SPOCK3: variants seen among roughly 807,000 people sequenced by gnomAD.
SPOCK3 encodes testican-3.
SPOCK3 carries 30 observed loss-of-function variants against 56.6 expected under a neutral mutation model. That is an observed-to-expected ratio of 0.53 (90% CI 0.40 to 0.72). The LOEUF (loss-of-function observed/expected upper bound fraction) is 0.72, where lower values mean the gene tolerates loss of function less well. SPOCK3 is among the 30% of genes least tolerant of loss of function. SPOCK3 has a pLI of 0.00. For missense variants in SPOCK3, 527 were observed against 530.0 expected (o/e 0.99, Z 0.06); for synonymous variants, 196 against 183.3 (o/e 1.07, Z -0.56).
intron 2 of SPOCK3, among the ~76,000 whole-genome samples, chr4:167,232,641 TAAAAC>T (rs1206589238): frequency 9.2e-5 from 14 of 152,224 alleles, no homozygotes; most frequent in Admixed American, 2.0e-4. Context: ...GGTGTAAACT[TAAAAC>T]AAATATGCAA....
chr4:167,100,363 C>T (rs1284386341), intron 2 of SPOCK3, among the ~76,000 whole-genome samples: 1 of 150,738 alleles, frequency 6.6e-6, no homozygotes, highest in African/African-American at 2.4e-5. Context: ...TCAAAAACAT[C>T]CTGAAGGTAT....
intron 6 of SPOCK3, among the ~76,000 whole-genome samples, chr4:166,832,097 C>G (rs562832222): frequency 1.3e-5 from 2 of 151,984 alleles, no homozygotes; most frequent in African/African-American, 4.8e-5. Flanking sequence ...AATTAGGTAC[C>G]CTTTTTCAAT....
At chr4:166,931,636 G>T (rs1173930924) in intron 4 of SPOCK3, among the ~76,000 whole-genome samples, 1 of 152,206 alleles carries the variant, frequency 6.6e-6, no homozygotes, top group Admixed American at 6.5e-5. Flanking sequence ...ACAATAATTG[G>T]TATCTATTCT....
chr4:166,805,764 CT>C (rs1464114337), intron 6 of SPOCK3, among the ~76,000 whole-genome samples: 4 of 150,342 alleles, frequency 2.7e-5, no homozygotes, highest in African/African-American at 7.5e-5. Flanking sequence ...TGGCAATCAT[CT>C]GACATAATAA....
chr4:166,832,902 A>G (rs1182334940), intron 6 of SPOCK3, among the ~76,000 whole-genome samples: 2 of 152,156 alleles, frequency 1.3e-5, no homozygotes, highest in African/African-American at 4.8e-5. Context: ...GTCCTACTAG[A>G]GTGGGGTGGG....
chr4:166,866,515 T>A (rs760006417), intron 6 of SPOCK3, among the ~76,000 whole-genome samples: 1 of 152,024 alleles, frequency 6.6e-6, no homozygotes, highest in African/African-American at 2.4e-5. Context: ...TGGGAGAAAA[T>A]GTTTTCAATC....
rs1446098428 is a variant in SPOCK3 at position 166,903,607 on chromosome 4, A to G, written c.474+9013T>C. On this transcript the variant is annotated intron_variant, in intron 5 of 10. Transcript: ENST00000357545. ...ATCGAGCCTACTCTACCATTCTTTCACAGGCCATTAATCTTAATATTTCCG... is the reference window on the plus strand; with the variant it reads ...ATCGAGCCTACTCTACCATTCTTTCGCAGGCCATTAATCTTAATATTTCCG... 4.0e-5 allele frequency among the ~76,000 whole-genome samples: 6 copies of G among 151,806 alleles called. No homozygotes were observed. In the East Asian group the frequency reaches 1.2e-3, roughly 29 times the overall value.
chr4:167,062,766 C>A, intron 2 of SPOCK3: 1 of 493,306 alleles, frequency 2.0e-6, no homozygotes. Flanking sequence ...AAATGTCTTT[C>A]AATAAACCTG....
intron 2 of SPOCK3, among the ~76,000 whole-genome samples, chr4:167,205,530 T>TTA (rs1554053358): frequency 6.6e-5 from 4 of 60,204 alleles, no homozygotes; most frequent in African/African-American, 2.3e-4. Context: ...ATATATATTA[T>TTA]TATATAATAT....
At chr4:166,856,672 G>A (rs1730704452) in intron 6 of SPOCK3, among the ~76,000 whole-genome samples, 1 of 152,012 alleles carries the variant, frequency 6.6e-6, no homozygotes, top group Non-Finnish European at 1.5e-5. Flanking sequence ...TACTCAGGGG[G>A]CTGAGGCAGG....
intron 2 of SPOCK3, among the ~76,000 whole-genome samples, chr4:167,206,629 A>G (rs1734362840): frequency 6.6e-6 from 1 of 152,144 alleles, no homozygotes; most frequent in Admixed American, 6.6e-5. Flanking sequence ...GTGAAATATG[A>G]GCTATTCAGT....
Position 166,988,850 on chromosome 4 carries a change from C to G in SPOCK3, c.350+11499G>C, listed in dbSNP as rs115735884. 7.7e-3 allele frequency among the ~76,000 whole-genome samples: 1,177 copies of G among 152,150 alleles called. 12 individuals carry two copies. Among genetic ancestry groups the G allele is most frequent in the African/African-American group, 0.027 (1,107 of 41,520 alleles). On this transcript the variant is annotated intron_variant, in intron 4 of 10. Transcript: ENST00000357545. The stretch of plus-strand genomic sequence containing the variant: ...ATACCTACAAATTTCTTAGTAAACT[C>G]TTATCAATAAGCAGGTATTGTTATT...
At chr4:166,889,021 T>A in intron 6 of SPOCK3, 109 bp downstream of exon 6, 1 of 695,234 alleles carries the variant, frequency 1.4e-6, no homozygotes, top group East Asian at 2.7e-5. Flanking sequence ...TGATATTGGG[T>A]ATTTGTATAA....
At chr4:166,874,111 A>C (rs1227630173) in intron 6 of SPOCK3, among the ~76,000 whole-genome samples, 1 of 152,066 alleles carries the variant, frequency 6.6e-6, no homozygotes, top group African/African-American at 2.4e-5. Flanking sequence ...AGAATGGTAA[A>C]GATAATGTCT....
chr4:167,094,174 T>G (rs1298517425), intron 2 of SPOCK3, among the ~76,000 whole-genome samples: 1 of 152,020 alleles, frequency 6.6e-6, no homozygotes, highest in Non-Finnish European at 1.5e-5. Flanking sequence ...TTTATTAAAA[T>G]TAAAAATACA....
At chr4:166,989,297 T>C (rs1179982028) in intron 4 of SPOCK3, among the ~76,000 whole-genome samples, 1 of 152,130 alleles carries the variant, frequency 6.6e-6, no homozygotes, top group Non-Finnish European at 1.5e-5. Flanking sequence ...TGTGGCTGTC[T>C]TTATATCACT....
At chr4:166,832,631 C>G (rs1746199697) in intron 6 of SPOCK3, among the ~76,000 whole-genome samples, 1 of 152,108 alleles carries the variant, frequency 6.6e-6, no homozygotes, top group African/African-American at 2.4e-5. Flanking sequence ...GTACTATTCA[C>G]AATAGCCAAG....
intron 2 of SPOCK3, among the ~76,000 whole-genome samples, chr4:167,079,503 C>CTATAAA (rs952560737): frequency 2.2e-4 from 33 of 151,758 alleles, no homozygotes; most frequent in Admixed American, 1.2e-3. Context: ...GGGGATAAAT[C>CTATAAA]TTTATAGACT....
intron 6 of SPOCK3, among the ~76,000 whole-genome samples, chr4:166,884,697 ATATATTT>A (rs1020874871): frequency 2.0e-5 from 3 of 152,146 alleles, no homozygotes; most frequent in Admixed American, 6.5e-5. Flanking sequence ...CTAATGATTT[ATATATTT>A]TATATTTTAC....
Sources: gnomAD v4.1 joint callset for allele counts (sites outside exome capture counted in the v4.1 genomes callset) on GRCh38, gnomAD v4.1.1 for gene constraint, MANE v1.5 for transcripts, NCBI Gene and HGNC (gene_info 2026-07-23, HGNC 2026-07-21) for gene names.